The following TAF3 variants were observed in gnomAD, a reference collection of about 807,000 sequenced individuals.
TAF3 encodes the protein transcription initiation factor TFIID subunit 3.
TAF3 carries 7 observed loss-of-function variants against 80.6 expected under a neutral mutation model. That is an observed-to-expected ratio of 0.09 (90% CI 0.05 to 0.16). The LOEUF (loss-of-function observed/expected upper bound fraction) is 0.16, where lower values mean the gene tolerates loss of function less well. TAF3 is among the 10% of genes least tolerant of loss of function. TAF3 has a pLI of 1.00. For missense variants in TAF3, 921 were observed against 1,140.2 expected (o/e 0.81, Z 2.77); for synonymous variants, 444 against 446.1 (o/e 1.00, Z 0.06).
At chr10:7,882,189 A>G (rs1837368386) in intron 2 of TAF3, among the ~76,000 whole-genome samples, 1 of 152,228 alleles carries the variant, frequency 6.6e-6, no homozygotes, top group Non-Finnish European at 1.5e-5. Flanking sequence ...GTTTTATCTA[A>G]TCTGTGGCTT....
chr10:7,889,954 C>G (rs1311134974), intron 2 of TAF3, among the ~76,000 whole-genome samples: 1 of 152,236 alleles, frequency 6.6e-6, no homozygotes, highest in Non-Finnish European at 1.5e-5. Flanking sequence ...CCTCCCTCCT[C>G]TAGTTTATCT....
Position 7,965,173 on chromosome 10 carries a change from GAGA to G in TAF3, c.1666_1668del (p.Lys556del), listed in dbSNP as rs1825570851. ...AGACAAGAACAAGGACAAAAGTAAG[GAGA>G]AGGATAAAGTGAAAGAGAAAGAGAA... On this transcript the variant is annotated inframe_deletion, in exon 3 of 7. Coordinates refer to ENST00000344293, the MANE Select transcript of TAF3 (RefSeq NM_031923.4). 1 of 1,609,746 alleles carries G rather than the reference GAGA, an allele frequency of 6.2e-7. No homozygotes were observed. Among genetic ancestry groups the G allele is most frequent in the Non-Finnish European group, 8.5e-7 (1 of 1,178,972 alleles).
At chr10:7,909,366 A>G (rs990120821) in intron 2 of TAF3, among the ~76,000 whole-genome samples, 6 of 152,198 alleles carry the variant, frequency 3.9e-5, no homozygotes, top group African/African-American at 1.2e-4. Context: ...GGATAGAACC[A>G]TATTCACTAC....
intron 2 of TAF3, among the ~76,000 whole-genome samples, chr10:7,859,066 T>C (rs1012126742): frequency 6.6e-6 from 1 of 151,894 alleles, no homozygotes; most frequent in African/African-American, 2.4e-5. Context: ...ATCGAGACCA[T>C]CCTGGCTAAC....
intron 4 of TAF3, among the ~76,000 whole-genome samples, chr10:7,999,434 A>AG (rs1170584837): frequency 6.0e-5 from 9 of 150,062 alleles, no homozygotes; most frequent in Non-Finnish European, 8.9e-5. Flanking sequence ...GTTAAAAAAA[A>AG]AAAAGAAAGA....
In TAF3 at chr10:7,965,170, AAGG is replaced by A. The variant is rs1564372994; in HGVS notation, c.1663_1665del (p.Glu555del). The A allele has an allele frequency of 6.2e-7, 1 of 1,610,164 alleles. No homozygotes were observed. The stretch of plus-strand genomic sequence containing the variant: ...AAAAGACAAGAACAAGGACAAAAGT[AAGG>A]AGAAGGATAAAGTGAAAGAGAAAGA... On this transcript the variant is annotated inframe_deletion, in exon 3 of 7. Transcript: ENST00000344293.
intron 2 of TAF3, among the ~76,000 whole-genome samples, chr10:7,955,358 A>G (rs1838125255): frequency 6.6e-6 from 1 of 152,214 alleles, no homozygotes; most frequent in Admixed American, 6.5e-5. Flanking sequence ...TTTCATTTAC[A>G]GATTCTGACA....
chr10:7,845,744 G>T (rs567526410), intron 2 of TAF3, among the ~76,000 whole-genome samples: 3 of 152,142 alleles, frequency 2.0e-5, no homozygotes, highest in Non-Finnish European at 4.4e-5. Flanking sequence ...TCAATTGGCC[G>T]TGTGAGAGGC....
At chr10:7,858,943 A>G (rs1196180389) in intron 2 of TAF3, among the ~76,000 whole-genome samples, 1 of 152,000 alleles carries the variant, frequency 6.6e-6, no homozygotes. Flanking sequence ...GGCTCTATTC[A>G]TATGTCATCT....
chr10:7,960,223 G>A (rs148574080), intron 2 of TAF3, among the ~76,000 whole-genome samples: 2 of 152,296 alleles, frequency 1.3e-5, no homozygotes, highest in East Asian at 3.9e-4. Flanking sequence ...ATACCCTAAA[G>A]CTGTCTTCTT....
Position 7,977,316 on chromosome 10 carries a change from G to A in TAF3, c.2308G>A (p.Asp770Asn). The A allele has an allele frequency of 6.2e-7, 1 of 1,614,138 alleles. No individual in the cohort carries two copies. Among genetic ancestry groups the A allele is most frequent in the Non-Finnish European group, 8.5e-7 (1 of 1,180,020 alleles). ...RLTLRVGAGQ[D>N]KIVISKVVPA... is the part of the protein sequence containing the mutation. ...AACTCTCCGAGTCGGTGCTGGCCAAGACAAGATGTAAGTATAAACGTTTTG... is the reference window on the plus strand; with the variant it reads ...AACTCTCCGAGTCGGTGCTGGCCAAAACAAGATGTAAGTATAAACGTTTTG... Residue 770 changes from aspartate to asparagine, a missense_variant, in exon 4 of 7, where the codon GAC (aspartate) becomes AAC (asparagine). Coordinates refer to ENST00000344293, the MANE Select transcript of TAF3 (RefSeq NM_031923.4).
intron 4 of TAF3, among the ~76,000 whole-genome samples, chr10:7,989,091 T>C (rs1831808161): frequency 6.6e-6 from 1 of 152,186 alleles, no homozygotes; most frequent in South Asian, 2.1e-4. Context: ...ATTCAAAGCA[T>C]GTGATCTACC....
intron 3 of TAF3, among the ~76,000 whole-genome samples, chr10:7,967,048 T>C (rs1028385893): frequency 7.9e-5 from 12 of 152,200 alleles, no homozygotes; most frequent in African/African-American, 2.7e-4. Flanking sequence ...CTAACACACC[T>C]GTGACATAGG....
At chr10:7,949,978 T>C (rs1048017339) in intron 2 of TAF3, among the ~76,000 whole-genome samples, 27 of 152,338 alleles carry the variant, frequency 1.8e-4, no homozygotes, top group East Asian at 1.3e-3. Context: ...CATTTTTGTT[T>C]TCACATTTTA....
At chr10:8,012,769 G>C (rs190421144) in intron 5 of TAF3, among the ~76,000 whole-genome samples, 3 of 152,258 alleles carry the variant, frequency 2.0e-5, no homozygotes, top group African/African-American at 7.2e-5. Context: ...AACATATATG[G>C]ACCCCCAATG....
rs111741261 is a variant in TAF3, at chr10:7,930,409, T to C, written c.410-33511T>C. Among the ~76,000 whole-genome samples the C allele has an allele frequency of 2.1e-3, 327 of 152,326 alleles. 2 individuals are homozygous for C. Among genetic ancestry groups the C allele is most frequent in the Non-Finnish European group, 3.7e-3 (254 of 68,018 alleles). On this transcript the variant is annotated intron_variant, in intron 2 of 6. Coordinates refer to ENST00000344293, the MANE Select transcript of TAF3 (RefSeq NM_031923.4). ...TCAGACCATTTAGTATATAGACTCGTACAGCCCTATTTCTAGAGTAGGGAG... is the reference window on the plus strand; with the variant it reads ...TCAGACCATTTAGTATATAGACTCGCACAGCCCTATTTCTAGAGTAGGGAG...
At chr10:7,818,984 G>A (rs1297872238) in intron 1 of TAF3, 109 bp downstream of exon 1, 4 of 1,126,284 alleles carry the variant, frequency 3.6e-6, no homozygotes, top group Non-Finnish European at 4.6e-6. Flanking sequence ...ACCCCGCCTC[G>A]AGATCTGCTG....
intron 2 of TAF3, among the ~76,000 whole-genome samples, chr10:7,923,702 C>T (rs2131191197): frequency 6.6e-6 from 1 of 151,834 alleles, no homozygotes; most frequent in African/African-American, 2.4e-5. Context: ...AAGAGTACCT[C>T]CCTGCTTTTA....
intron 2 of TAF3, among the ~76,000 whole-genome samples, chr10:7,962,752 C>T (rs753919616): frequency 6.6e-6 from 1 of 152,216 alleles, no homozygotes; most frequent in Non-Finnish European, 1.5e-5. Flanking sequence ...CCTGCTGTAG[C>T]ACTTTATCTG....
Sources: allele counts gnomAD v4.1 joint callset (sites outside exome capture counted in the v4.1 genomes callset), GRCh38; gene constraint gnomAD v4.1.1; transcripts MANE v1.5; gene names NCBI Gene and HGNC (gene_info 2026-07-23, HGNC 2026-07-21).